The following LRRC7 variants were observed in gnomAD, a reference collection of about 807,000 sequenced individuals.
LRRC7 encodes leucine rich repeat containing 7.
In LRRC7, 23 loss-of-function variants were observed where a neutral mutation model predicts 175.7. The observed-to-expected ratio is 0.13, with a 90% CI of 0.09 to 0.19. The LOEUF (loss-of-function observed/expected upper bound fraction) is 0.19, where lower values mean the gene tolerates loss of function less well. LRRC7 is among the 10% of genes least tolerant of loss of function. The pLI is 1.00. For synonymous variants in LRRC7, 685 were observed against 680.9 expected (o/e 1.01, Z -0.09); for missense variants, 1,354 against 1,904.7 (o/e 0.71, Z 5.38).
At chr1:69,834,616 G>A (rs762308859) in intron 5 of LRRC7, among the ~76,000 whole-genome samples, 164 bp from the exon 6 acceptor site, 22 of 151,986 alleles carry the variant, frequency 1.4e-4, no homozygotes, top group Non-Finnish European at 2.1e-4. Context: ...CAAAATTTTC[G>A]AACTGTAACA....
chr1:70,057,467 G>T (rs1216008887), intron 23 of LRRC7, among the ~76,000 whole-genome samples: 1 of 152,172 alleles, frequency 6.6e-6, no homozygotes, highest in Admixed American at 6.5e-5. Flanking sequence ...GAGCAGTTAG[G>T]CTAGACATAA....
chr1:69,666,291 T>G (rs1658258366), intron 1 of LRRC7, among the ~76,000 whole-genome samples: 1 of 152,102 alleles, frequency 6.6e-6, no homozygotes, highest in Non-Finnish European at 1.5e-5. Flanking sequence ...TTTTCTCTAT[T>G]GATGTATCTT....
chr1:70,053,961 A>G (rs969049877), intron 23 of LRRC7, among the ~76,000 whole-genome samples: 3 of 152,210 alleles, frequency 2.0e-5, no homozygotes, highest in African/African-American at 7.2e-5. Context: ...GGCAAAAATT[A>G]AGAAATCTGA....
intron 7 of LRRC7, chr1:69,874,157 T>C (rs546631999): frequency 6.6e-6 from 1 of 152,292 alleles, no homozygotes; most frequent in South Asian, 2.1e-4. Context: ...TGTGGAACAG[T>C]TATTTTGTAG....
chr1:70,079,231 A>C (rs1663036475), intron 24 of LRRC7, among the ~76,000 whole-genome samples: 1 of 152,216 alleles, frequency 6.6e-6, no homozygotes, highest in Non-Finnish European at 1.5e-5. Context: ...GTAGTGATTT[A>C]AGTGCAAAGA....
At chr1:69,740,792 G>C (rs1219833469) in intron 2 of LRRC7, among the ~76,000 whole-genome samples, 2 of 151,966 alleles carry the variant, frequency 1.3e-5, no homozygotes, top group African/African-American at 4.8e-5. Context: ...TATGTAAGGA[G>C]GCAGCTTTAG....
At chr1:69,922,201 C>T (rs1447820715) in intron 7 of LRRC7, among the ~76,000 whole-genome samples, 1 of 152,220 alleles carries the variant, frequency 6.6e-6, no homozygotes, top group Non-Finnish European at 1.5e-5. Flanking sequence ...GCTGGGATTA[C>T]AGGCATGAGC....
At chr1:69,709,470 TGTG>T (rs1486508023) in intron 2 of LRRC7, among the ~76,000 whole-genome samples, 1 of 152,204 alleles carries the variant, frequency 6.6e-6, no homozygotes, top group Non-Finnish European at 1.5e-5. Flanking sequence ...GAAAAATTGG[TGTG>T]GTGAACACAG....
chr1:69,785,392 T>C (rs950261286), intron 3 of LRRC7, among the ~76,000 whole-genome samples: 1 of 152,156 alleles, frequency 6.6e-6, no homozygotes, highest in Non-Finnish European at 1.5e-5. Flanking sequence ...AAGTTTTGGG[T>C]GCACCACTGT....
At chr1:69,972,048 G>T (rs180677053) in intron 8 of LRRC7, among the ~76,000 whole-genome samples, 1 of 152,244 alleles carries the variant, frequency 6.6e-6, no homozygotes, top group Non-Finnish European at 1.5e-5. Context: ...AACAAATAGC[G>T]CTGGGATAAT....
At chr1:69,836,496 G>C (rs1353814746) in intron 6 of LRRC7, among the ~76,000 whole-genome samples, 1 of 151,812 alleles carries the variant, frequency 6.6e-6, no homozygotes, top group Non-Finnish European at 1.5e-5. Flanking sequence ...GTCCTAATGT[G>C]AGAAAAAGAT....
intron 8 of LRRC7, among the ~76,000 whole-genome samples, chr1:69,952,103 T>C (rs1002163854): frequency 6.6e-6 from 1 of 151,986 alleles, no homozygotes; most frequent in African/African-American, 2.4e-5. Context: ...AAAGGGGTTC[T>C]GGAAAATAAC....
intron 7 of LRRC7, among the ~76,000 whole-genome samples, chr1:69,842,120 T>C (rs1227497877): frequency 6.6e-6 from 1 of 152,128 alleles, no homozygotes; most frequent in Non-Finnish European, 1.5e-5. Flanking sequence ...AACTGCTTTT[T>C]ATTAAAATGT....
chr1:69,718,760 T>C (rs899244219), intron 2 of LRRC7, among the ~76,000 whole-genome samples: 1 of 151,776 alleles, frequency 6.6e-6, no homozygotes, highest in South Asian at 2.1e-4. Flanking sequence ...AGTGTCTGTT[T>C]TGTTAAAAGA....
intron 1 of LRRC7, among the ~76,000 whole-genome samples, chr1:69,599,929 C>A (rs1322888862): frequency 6.6e-6 from 1 of 152,116 alleles, no homozygotes; most frequent in Non-Finnish European, 1.5e-5. Flanking sequence ...TAAGAAGACA[C>A]ATAGAAAATA....
chr1:69,919,755 A>G, intron 7 of LRRC7: 1 of 974,190 alleles, frequency 1.0e-6, no homozygotes, highest in African/African-American at 1.6e-5. Flanking sequence ...CCATTTGAAG[A>G]CCCCTGGTTT....
At chr1:70,002,257 A>G (rs74341995) in intron 11 of LRRC7, among the ~76,000 whole-genome samples, 2,137 of 152,314 alleles carry the variant, frequency 0.014, 50 homozygotes, top group African/African-American at 0.048. Context: ...CTAAGTGTCT[A>G]TGCAAAGCTA....
At chr1:69,685,086 C>T (rs188917626) in intron 2 of LRRC7, among the ~76,000 whole-genome samples, 119 of 152,220 alleles carry the variant, frequency 7.8e-4, no homozygotes, top group Non-Finnish European at 1.5e-3. Flanking sequence ...TTAACTCTAG[C>T]GGATGACACC....
At chr1:69,634,701 T>G (rs1320553548) in intron 1 of LRRC7, among the ~76,000 whole-genome samples, 1 of 152,122 alleles carries the variant, frequency 6.6e-6, no homozygotes, top group South Asian at 2.1e-4. Context: ...TGGTTGTATG[T>G]ACACAATTCC....
Sources: gnomAD v4.1 joint callset for allele counts (sites outside exome capture counted in the v4.1 genomes callset) on GRCh38, gnomAD v4.1.1 for gene constraint, MANE v1.5 for transcripts, NCBI Gene and HGNC (gene_info 2026-07-23, HGNC 2026-07-21) for gene names.